Variants in LRP12 observed in about 807,000 individuals in gnomAD.
LRP12 encodes the protein LDL receptor related protein 12, also known as low-density lipoprotein receptor-related protein 12.
In LRP12, 14 loss-of-function variants were observed where a neutral mutation model predicts 66.0. The observed-to-expected ratio is 0.21, with a 90% CI of 0.14 to 0.33. LRP12 has a LOEUF of 0.33. Ranked by LOEUF, LRP12 falls within the 10% of genes least tolerant of loss-of-function variation. The pLI is 1.00. For missense variants in LRP12, 889 were observed against 1,053.4 expected (o/e 0.84, Z 2.16); for synonymous variants, 357 against 359.1 (o/e 0.99, Z 0.07).
intron 1 of LRP12, among the ~76,000 whole-genome samples, chr8:104,574,851 A>T (rs926059196): frequency 6.6e-6 from 1 of 152,198 alleles, no homozygotes; most frequent in Non-Finnish European, 1.5e-5. Context: ...AGAAAATTCA[A>T]AACTACATAT....
rs377335684 is a variant in LRP12 at position 104,585,021 on chromosome 8, T to A, written c.79+3798A>T. ...TAGGCTACCACAACATCTAGAATAC[T>A]ACTGTGAACAGTAAAGACTCTTGAC... is the stretch of plus-strand genomic sequence containing the variant. On this transcript the variant is annotated intron_variant, in intron 1 of 6. Coordinates refer to ENST00000276654, the MANE Select transcript of LRP12 (RefSeq NM_013437.5). 2.6e-5 allele frequency among the ~76,000 whole-genome samples: 4 copies of A among 152,348 alleles called. No homozygotes were observed. The East Asian group carries it at 7.7e-4, about 29-fold the overall frequency.
At chr8:104,520,664 T>C (rs1215652272) in intron 2 of LRP12, among the ~76,000 whole-genome samples, 1 of 152,064 alleles carries the variant, frequency 6.6e-6, no homozygotes, top group Non-Finnish European at 1.5e-5. Context: ...ACTGTATTTC[T>C]ATTACTGCAG....
rs140069456 is a variant in LRP12, at chr8:104,492,872, G to C, written c.1714-1333C>G. Among the ~76,000 whole-genome samples, 82 of 151,826 alleles carry C rather than the reference G, an allele frequency of 5.4e-4. 1 individual carries two copies. The highest frequency in any genetic ancestry group is 1.9e-3 in the African/African-American group (78 of 41,358). ...TTAAAAAAAAAAAGAAAAAGAAAAA[G>C]CGGTTCACATTTATAATGAACTTCT... On this transcript the variant is annotated intron_variant, in intron 6 of 6. Coordinates refer to ENST00000276654, the MANE Select transcript of LRP12 (RefSeq NM_013437.5).
chr8:104,525,120 T>C (rs1430462149), intron 2 of LRP12, among the ~76,000 whole-genome samples: 1 of 152,100 alleles, frequency 6.6e-6, no homozygotes, highest in Admixed American at 6.5e-5. Context: ...TTAAATTACT[T>C]GGCAGTTTCT....
intron 1 of LRP12, among the ~76,000 whole-genome samples, chr8:104,564,179 A>G (rs971000782): frequency 1.3e-5 from 2 of 152,228 alleles, no homozygotes; most frequent in Admixed American, 1.3e-4. Flanking sequence ...TGTAAAAGGT[A>G]ACACAACAGG....
chr8:104,514,372 A>AT (rs1431404420), intron 2 of LRP12, among the ~76,000 whole-genome samples: 3 of 151,858 alleles, frequency 2.0e-5, no homozygotes, highest in African/African-American at 7.3e-5. Flanking sequence ...TACATTATAG[A>AT]TTTGAGGTGG....
At chr8:104,551,358 T>C (rs1423752142) in intron 1 of LRP12, among the ~76,000 whole-genome samples, 1 of 152,150 alleles carries the variant, frequency 6.6e-6, no homozygotes, top group Admixed American at 6.5e-5. Flanking sequence ...ATTTTGGGGT[T>C]ATCAATATTT....
rs78722311 is a variant in LRP12, at chr8:104,550,194, T to G, written c.80-18231A>C. The stretch of plus-strand genomic sequence containing the variant: ...CTCTAAAATAGATACTATTCCAGTT[T>G]TACATGCAGAAAAAAAGACTCAAAG... On this transcript the variant is annotated intron_variant, in intron 1 of 6. Coordinates refer to ENST00000276654, the MANE Select transcript of LRP12 (RefSeq NM_013437.5). 1.9e-3 allele frequency among the ~76,000 whole-genome samples: 289 copies of G among 152,252 alleles called. 2 individuals are homozygous for G. The South Asian group carries it at 0.019, about 10-fold the overall frequency.
intron 1 of LRP12, among the ~76,000 whole-genome samples, chr8:104,569,293 T>C (rs796427519): frequency 3.3e-5 from 5 of 152,290 alleles, no homozygotes; most frequent in African/African-American, 1.2e-4. Context: ...TGATTGTTAA[T>C]AGGTACAGAG....
intron 1 of LRP12, among the ~76,000 whole-genome samples, chr8:104,568,380 TA>T (rs1812035702): frequency 6.6e-6 from 1 of 152,180 alleles, no homozygotes; most frequent in African/African-American, 2.4e-5. Flanking sequence ...AATGGATTCT[TA>T]GATATAATAT....
rs1434336334 is a variant in LRP12 at position 104,547,664 on chromosome 8, T to A, written c.80-15701A>T. Among the ~76,000 whole-genome samples the A allele has an allele frequency of 4.2e-5, 5 of 118,006 alleles. No homozygotes were observed. The East Asian group carries it at 1.1e-3, about 26-fold the overall frequency. The allele number at this position is 118,006 out of a possible 152,430, so 77.4% of individuals were successfully genotyped here. On this transcript the variant is annotated intron_variant, in intron 1 of 6. Transcript: ENST00000276654. Reference sequence around the variant, plus strand: ...TATTAATAATTAAAATATAATATAATTCTATATTATATTTTGTATAATATA... The same window carrying A: ...TATTAATAATTAAAATATAATATAAATCTATATTATATTTTGTATAATATA...
At chr8:104,536,159 A>G (rs751297010) in intron 1 of LRP12, among the ~76,000 whole-genome samples, 43 of 152,012 alleles carry the variant, frequency 2.8e-4, no homozygotes, top group Non-Finnish European at 5.4e-4. Context: ...ATTCTTCCTA[A>G]CTACTTCTAA....
chr8:104,514,140 C>A (rs994227602), intron 2 of LRP12, among the ~76,000 whole-genome samples: 1 of 152,092 alleles, frequency 6.6e-6, no homozygotes, highest in African/African-American at 2.4e-5. Context: ...ATTGAGCCTG[C>A]CTTCACCACT....
At chr8:104,524,402 A>C (rs1811198474) in intron 2 of LRP12, among the ~76,000 whole-genome samples, 1 of 152,152 alleles carries the variant, frequency 6.6e-6, no homozygotes, top group African/African-American at 2.4e-5. Context: ...TTCTTCCACT[A>C]TGCAGGGAAT....
intron 1 of LRP12, among the ~76,000 whole-genome samples, chr8:104,570,883 C>T: frequency 6.6e-6 from 1 of 152,016 alleles, no homozygotes; most frequent in Admixed American, 6.5e-5. Flanking sequence ...CAAAACTCAA[C>T]AGCAAAAAAC....
intron 1 of LRP12, among the ~76,000 whole-genome samples, chr8:104,588,598 C>G (rs1322179263): frequency 1.3e-5 from 2 of 152,138 alleles, no homozygotes; most frequent in Non-Finnish European, 2.9e-5. Flanking sequence ...GGCCCCCCAG[C>G]CCCTCTCCAC....
chr8:104,557,388 T>A (rs1179614896), intron 1 of LRP12, among the ~76,000 whole-genome samples: 2 of 152,088 alleles, frequency 1.3e-5, no homozygotes, highest in African/African-American at 2.4e-5. Context: ...CCCTAAAAAT[T>A]CATCCCGAAA....
intron 1 of LRP12, among the ~76,000 whole-genome samples, chr8:104,536,774 T>C (rs1362366304): frequency 6.6e-6 from 1 of 151,870 alleles, no homozygotes; most frequent in Non-Finnish European, 1.5e-5. Context: ...TAAAACTGTG[T>C]CCATGTGCAG....
At chr8:104,580,947 A>C (rs2140900768) in intron 1 of LRP12, among the ~76,000 whole-genome samples, 1 of 152,368 alleles carries the variant, frequency 6.6e-6, no homozygotes, top group East Asian at 1.9e-4. Context: ...ACCCAAAGGA[A>C]TATAAATTGT....
Sources: allele counts gnomAD v4.1 joint callset (sites outside exome capture counted in the v4.1 genomes callset), GRCh38; gene constraint gnomAD v4.1.1; transcripts MANE v1.5; gene names NCBI Gene and HGNC (gene_info 2026-07-23, HGNC 2026-07-21).